The following DENND4C variants were observed in gnomAD, a reference collection of about 807,000 sequenced individuals.
DENND4C encodes the protein DENN domain containing 4C, also known as DENN domain-containing protein 4C.
In DENND4C, 108 loss-of-function variants were observed where a neutral mutation model predicts 203.0. The ratio of observed to expected loss-of-function variants is 0.53; its 90% CI spans 0.46 to 0.62. The LOEUF (loss-of-function observed/expected upper bound fraction) is 0.62, where lower values mean the gene tolerates loss of function less well. Among genes scored for constraint, DENND4C ranks in the 20% least tolerant of loss-of-function variants. The probability of loss-of-function intolerance (pLI) is 0.00; values close to 1 mark genes in which losing one functional copy is unlikely to be tolerated. For synonymous variants in DENND4C, 871 were observed against 792.4 expected (o/e 1.10, Z -1.67); for missense variants, 2,481 against 2,301.2 (o/e 1.08, Z -1.60).
At chr9:19,236,677 A>G (rs1403957479) in intron 1 of DENND4C, among the ~76,000 whole-genome samples, 1 of 152,218 alleles carries the variant, frequency 6.6e-6, no homozygotes, top group Non-Finnish European at 1.5e-5. Context: ...TGAGAACAGC[A>G]TGGTAGGGGT....
chr9:19,349,217 G>A (rs12347739), intron 23 of DENND4C, among the ~76,000 whole-genome samples: 22,015 of 152,070 alleles, frequency 0.14, 2,090 homozygotes, highest in Non-Finnish European at 0.22. Flanking sequence ...GCCTAGCATG[G>A]GCAACATGGT....
chr9:19,260,912 A>G (rs921682270), intron 1 of DENND4C, among the ~76,000 whole-genome samples: 2 of 152,184 alleles, frequency 1.3e-5, no homozygotes, highest in Non-Finnish European at 2.9e-5. Context: ...ACCCTGTCTC[A>G]AAAAGAAAAA....
At chr9:19,263,701 C>G (rs1051764889) in intron 1 of DENND4C, among the ~76,000 whole-genome samples, 1 of 150,268 alleles carries the variant, frequency 6.7e-6, no homozygotes, top group East Asian at 1.9e-4. Context: ...GTCACCCAGG[C>G]TGAAGTGCAA....
At chr9:19,307,691 A>G (rs1839963783) in intron 10 of DENND4C, among the ~76,000 whole-genome samples, 1 of 150,700 alleles carries the variant, frequency 6.6e-6, no homozygotes, top group Non-Finnish European at 1.5e-5. Context: ...AATTGCTTGA[A>G]CTGAGGAGGT....
intron 19 of DENND4C, 97 bp from the exon 20 acceptor site, chr9:19,336,589 G>A (rs576728962): frequency 2.5e-5 from 36 of 1,441,860 alleles, no homozygotes; most frequent in Non-Finnish European, 3.2e-5. Flanking sequence ...AATTTAGAAA[G>A]TGTTCTGCAA....
rs138714812 is a variant in DENND4C, at chr9:19,255,846, T to A, written c.-17-20312T>A. On this transcript the variant is annotated intron_variant, in intron 1 of 32. Coordinates refer to ENST00000434457, the MANE Select transcript of DENND4C (RefSeq NM_001330640.2). ...GAAAACCATCAAGGATGTAGTAGAC[T>A]TGTTACAACACTATTTACTTGACTT... 5.0e-3 allele frequency among the ~76,000 whole-genome samples: 769 copies of A among 152,300 alleles called. 7 individuals are homozygous for A. The highest frequency in any genetic ancestry group is 0.018 in the African/African-American group (729 of 41,576).
At chr9:19,360,727 A>T (rs965784771) in intron 29 of DENND4C, among the ~76,000 whole-genome samples, 1 of 152,210 alleles carries the variant, frequency 6.6e-6, no homozygotes, top group Non-Finnish European at 1.5e-5. Context: ...AGGATGGCTG[A>T]TTACCTCCAA....
intron 5 of DENND4C, among the ~76,000 whole-genome samples, chr9:19,293,119 C>T (rs961385627): frequency 6.6e-6 from 1 of 152,148 alleles, no homozygotes; most frequent in East Asian, 1.9e-4. Context: ...ATTTCTCCTG[C>T]TGAAAGTAGT....
At chr9:19,340,369 C>T (rs1821327755) in intron 20 of DENND4C, among the ~76,000 whole-genome samples, 1 of 152,182 alleles carries the variant, frequency 6.6e-6, no homozygotes, top group Non-Finnish European at 1.5e-5. Flanking sequence ...GATTAGTCCT[C>T]CCCTGGCCCT....
At chr9:19,285,329 C>G (rs978593420) in intron 2 of DENND4C, among the ~76,000 whole-genome samples, 1 of 152,104 alleles carries the variant, frequency 6.6e-6, no homozygotes, top group Non-Finnish European at 1.5e-5. Context: ...TCATACAGTT[C>G]ACTTACTTAA....
At chr9:19,236,064 A>G (rs183252409) in intron 1 of DENND4C, among the ~76,000 whole-genome samples, 1 of 150,914 alleles carries the variant, frequency 6.6e-6, no homozygotes, top group African/African-American at 2.4e-5. Flanking sequence ...TATTGTGTAT[A>G]TGCAGTTCAA....
chr9:19,308,573 T>C (rs971889002), intron 10 of DENND4C, among the ~76,000 whole-genome samples: 2 of 152,250 alleles, frequency 1.3e-5, no homozygotes, highest in Non-Finnish European at 2.9e-5. Flanking sequence ...ATTCTTTGTC[T>C]GCTGTATGCA....
rs146921243 is a variant in DENND4C, at chr9:19,372,965, A to C, written c.*792A>C. Reference sequence around the variant, plus strand: ...ACAGCCATATTCTAAGTGTATATTTATTAAAATAGATTGCATGTTGCAATA... The same window carrying C: ...ACAGCCATATTCTAAGTGTATATTTCTTAAAATAGATTGCATGTTGCAATA... On this transcript the variant is annotated 3_prime_UTR_variant, in exon 33 of 33. Transcript: ENST00000434457. 1 of 151,580 alleles carries C rather than the reference A, an allele frequency of 6.6e-6. No individual in the cohort carries two copies. The highest frequency in any genetic ancestry group is 1.5e-5 in the Non-Finnish European group (1 of 67,962). The allele number at this position is 151,580 out of a possible 1,614,324, so 9.4% of individuals were successfully genotyped here. A position where few individuals can be genotyped will look rare whatever the true frequency, so the allele number is the denominator to read the frequency against.
chr9:19,272,574 G>A lies in DENND4C; in HGVS notation c.-17-3584G>A, dbSNP rs563927632. Among the ~76,000 whole-genome samples the A allele has an allele frequency of 1.3e-4, 19 of 151,862 alleles. No individual in the cohort carries two copies. The South Asian group carries it at 3.3e-3, about 27-fold the overall frequency. ...GCCTGGCCAGAATAGTTTTTTCAAC[G>A]CAGGGTCCTTGAAAAATGGGATATC... On this transcript the variant is annotated intron_variant, in intron 1 of 32. Coordinates refer to ENST00000434457, the MANE Select transcript of DENND4C (RefSeq NM_001330640.2).
At chr9:19,240,850 C>T (rs746470021) in intron 1 of DENND4C, among the ~76,000 whole-genome samples, 3 of 151,836 alleles carry the variant, frequency 2.0e-5, no homozygotes, top group African/African-American at 7.3e-5. Context: ...GCCTGTAATC[C>T]AAGCTATTTG....
chr9:19,363,495 C>T (rs1395724475), intron 30 of DENND4C, among the ~76,000 whole-genome samples: 1 of 151,472 alleles, frequency 6.6e-6, no homozygotes, highest in Non-Finnish European at 1.5e-5. Context: ...GAGTGAGACT[C>T]CATCTCAAAA....
intron 29 of DENND4C, 48 bp from the exon 30 acceptor site, chr9:19,361,798 G>T (rs1453024566): frequency 8.9e-7 from 1 of 1,124,350 alleles, no homozygotes; most frequent in Non-Finnish European, 1.3e-6. Flanking sequence ...AGATCTACTG[G>T]TAATTGTTAT....
intron 12 of DENND4C, among the ~76,000 whole-genome samples, chr9:19,321,491 GTTTTGT>G (rs897058953): frequency 6.6e-6 from 1 of 151,098 alleles, no homozygotes; most frequent in Non-Finnish European, 1.5e-5. Context: ...GTTTTGTTTT[GTTTTGT>G]TTTTGTTTTT....
At chr9:19,293,788 G>A (rs113848735) in intron 5 of DENND4C, among the ~76,000 whole-genome samples, 2 of 152,326 alleles carry the variant, frequency 1.3e-5, no homozygotes, top group Admixed American at 6.5e-5. Flanking sequence ...ACGGACTGTG[G>A]CATTTTACCT....
Sources: allele counts gnomAD v4.1 joint callset (sites outside exome capture counted in the v4.1 genomes callset), GRCh38; gene constraint gnomAD v4.1.1; transcripts MANE v1.5; gene names NCBI Gene and HGNC (gene_info 2026-07-23, HGNC 2026-07-21).